Variants in ULK4 observed in about 807,000 individuals in gnomAD.
ULK4 encodes unc-51 like kinase 4, also known as inactive serine/threonine-protein kinase ULK4.
Under a neutral mutation model 160.6 loss-of-function variants are expected in ULK4, and 133 were observed. The observed-to-expected ratio is 0.83, with a 90% CI of 0.72 to 0.96. The LOEUF is 0.96. Ranked by LOEUF, ULK4 falls within the 40% of genes least tolerant of loss-of-function variation. The pLI is 0.00. For synonymous variants in ULK4, 534 were observed against 539.8 expected, an observed-to-expected ratio of 0.99 and a Z score of 0.15; for missense variants, 1,580 against 1,499.5, an observed-to-expected ratio of 1.05 and a Z score of -0.89.
intron 35 of ULK4, among the ~76,000 whole-genome samples, chr3:41,394,523 T>C (rs984408141): frequency 3.3e-5 from 5 of 152,174 alleles, no homozygotes; most frequent in Admixed American, 6.6e-5. Context: ...AATCATCTAA[T>C]ACAAAGCCTA....
At chr3:41,729,857 A>G (rs2037767423) in intron 22 of ULK4, among the ~76,000 whole-genome samples, 1 of 152,220 alleles carries the variant, frequency 6.6e-6, no homozygotes, top group South Asian at 2.1e-4. Context: ...ACAACGGCAC[A>G]AAGTCTACAC....
At chr3:41,332,421 A>G (rs13324937) in intron 35 of ULK4, among the ~76,000 whole-genome samples, 37,099 of 152,100 alleles carry the variant, frequency 0.24, 4,756 homozygotes, top group African/African-American at 0.3. Context: ...TTTGTGCTAC[A>G]AAAGGATGAT....
intron 19 of ULK4, among the ~76,000 whole-genome samples, chr3:41,804,912 A>T (rs1429547970): frequency 6.6e-6 from 1 of 152,090 alleles, no homozygotes; most frequent in African/African-American, 2.4e-5. Flanking sequence ...GAAGTCAGGT[A>T]GCGTGATGCC....
At chr3:41,803,889 T>G (rs924021166) in intron 19 of ULK4, among the ~76,000 whole-genome samples, 37 of 152,256 alleles carry the variant, frequency 2.4e-4, no homozygotes, top group Non-Finnish European at 4.8e-4. Flanking sequence ...CTATCATTGT[T>G]GGACATTTGG....
chr3:41,460,116 C>T (rs551773588), intron 33 of ULK4, among the ~76,000 whole-genome samples: 2 of 152,276 alleles, frequency 1.3e-5, no homozygotes, highest in South Asian at 2.1e-4. Context: ...CCCCCAACTA[C>T]GCATAGCCTT....
chr3:41,537,476 A>G (rs1268565294), intron 32 of ULK4, among the ~76,000 whole-genome samples: 1 of 152,172 alleles, frequency 6.6e-6, no homozygotes, highest in African/African-American at 2.4e-5. Context: ...TTGAGTAAAA[A>G]GCCTGTAATG....
rs771513689 is a variant in ULK4, at chr3:41,717,702, G to C, written c.2455+26C>G. The stretch of plus-strand genomic sequence containing the variant: ...CTTAGAAACGTAAAAGCAGAAATGG[G>C]GCCTGAGGATGAGACTCCAATTTAC... On this transcript the variant is annotated intron_variant, in intron 23 of 36. Transcript: ENST00000301831. The C allele has an allele frequency of 1.9e-6, 3 of 1,589,768 alleles. No homozygotes were observed. In the African/African-American group the frequency reaches 4.0e-5, roughly 21 times the overall value.
At chr3:41,354,931 G>A (rs140790346) in intron 35 of ULK4, among the ~76,000 whole-genome samples, 71 of 152,272 alleles carry the variant, frequency 4.7e-4, no homozygotes, top group African/African-American at 1.7e-3. Flanking sequence ...CCTCCCTCTA[G>A]TGATGGCTAT....
chr3:41,564,434 TTTCTTC>T (rs1231167995), intron 32 of ULK4, among the ~76,000 whole-genome samples: 7 of 144,456 alleles, frequency 4.8e-5, no homozygotes, highest in Admixed American at 1.4e-4. Flanking sequence ...GACAGGGACG[TTTCTTC>T]TTCTTCTTCT....
chr3:41,262,217 A>C (rs550862555), intron 35 of ULK4, among the ~76,000 whole-genome samples: 1 of 152,222 alleles, frequency 6.6e-6, no homozygotes. Context: ...CCGGGAGTTG[A>C]CATTTCCATG....
intron 30 of ULK4, among the ~76,000 whole-genome samples, chr3:41,647,245 T>G (rs1483001455): frequency 1.1e-4 from 17 of 152,252 alleles, no homozygotes; most frequent in Non-Finnish European, 2.4e-4. Flanking sequence ...AGGAACTGCA[T>G]TCCTTTGGAG....
chr3:41,843,866 G>A (rs562707819), intron 17 of ULK4, among the ~76,000 whole-genome samples: 2 of 152,152 alleles, frequency 1.3e-5, no homozygotes, highest in East Asian at 3.9e-4. Flanking sequence ...TGACTGGTGC[G>A]TTTACAATCC....
At chr3:41,589,071 T>C (rs928480845) in intron 31 of ULK4, among the ~76,000 whole-genome samples, 2 of 151,942 alleles carry the variant, frequency 1.3e-5, no homozygotes, top group South Asian at 2.1e-4. Flanking sequence ...ATTAAGAGGA[T>C]ATGCAATTAC....
chr3:41,258,252 ACTC>A (rs1342742205), intron 35 of ULK4: 1 of 151,994 alleles, frequency 6.6e-6, no homozygotes, highest in Non-Finnish European at 1.5e-5. Context: ...CATCCCACCT[ACTC>A]CTCTTTTGAG....
intron 32 of ULK4, among the ~76,000 whole-genome samples, chr3:41,531,507 G>GA (rs2086316667): frequency 7.9e-6 from 1 of 126,034 alleles, no homozygotes; most frequent in African/African-American, 3.2e-5. Flanking sequence ...AGAAGAAAAA[G>GA]AAAAGAAAAA....
intron 35 of ULK4, among the ~76,000 whole-genome samples, chr3:41,394,504 A>G (rs1031151887): frequency 1.3e-5 from 2 of 152,150 alleles, no homozygotes; most frequent in Non-Finnish European, 2.9e-5. Flanking sequence ...TTAGCCTACA[A>G]TTGAGCAAAA....
chr3:41,928,190 G>A (rs868135031), intron 5 of ULK4, among the ~76,000 whole-genome samples: 2 of 152,206 alleles, frequency 1.3e-5, no homozygotes, highest in Non-Finnish European at 2.9e-5. Flanking sequence ...TCAGGATTAA[G>A]AGACTTACTC....
chr3:41,804,247 C>T (rs1341967512), intron 19 of ULK4, among the ~76,000 whole-genome samples: 1 of 152,076 alleles, frequency 6.6e-6, no homozygotes, highest in African/African-American at 2.4e-5. Context: ...TGATGGTGAG[C>T]ATTTTTTCAT....
At chr3:41,702,396 C>T (rs1191649618) in intron 27 of ULK4, among the ~76,000 whole-genome samples, 1 of 152,110 alleles carries the variant, frequency 6.6e-6, no homozygotes, top group Non-Finnish European at 1.5e-5. Flanking sequence ...CTGTCTGCCT[C>T]GGCCTCCCAA....
Sources: allele counts gnomAD v4.1 joint callset (sites outside exome capture counted in the v4.1 genomes callset), GRCh38; gene constraint gnomAD v4.1.1; transcripts MANE v1.5; gene names NCBI Gene and HGNC (gene_info 2026-07-23, HGNC 2026-07-21).